Variants in HS3ST4 observed in about 807,000 individuals in gnomAD.
HS3ST4 encodes heparan sulfate-glucosamine 3-sulfotransferase 4.
In HS3ST4, 17 loss-of-function variants were observed where a neutral mutation model predicts 29.2. The observed-to-expected ratio is 0.58, with a 90% CI of 0.40 to 0.87. The LOEUF is 0.87. HS3ST4 is among the 40% of genes least tolerant of loss of function. HS3ST4 has a pLI of 0.00. For synonymous variants in HS3ST4, 314 were observed against 285.7 expected (o/e 1.10, Z -1.00); for missense variants, 627 against 634.5 (o/e 0.99, Z 0.13).
At chr16:25,950,349 G>T (rs1968671131) in intron 1 of HS3ST4, among the ~76,000 whole-genome samples, 1 of 152,012 alleles carries the variant, frequency 6.6e-6, no homozygotes, top group African/African-American at 2.4e-5. Context: ...CTGGATCTTA[G>T]TCATTTTTGT....
chr16:25,929,579 A>T (rs1341025451), intron 1 of HS3ST4, among the ~76,000 whole-genome samples: 1 of 151,986 alleles, frequency 6.6e-6, no homozygotes, highest in African/African-American at 2.4e-5. Flanking sequence ...CCACAAAATA[A>T]TTGGTCTGTC....
intron 1 of HS3ST4, among the ~76,000 whole-genome samples, chr16:25,890,198 A>C (rs1167481649): frequency 6.6e-6 from 1 of 152,090 alleles, no homozygotes; most frequent in Non-Finnish European, 1.5e-5. Flanking sequence ...AGGTTACACA[A>C]TTTGCCCCAA....
intron 1 of HS3ST4, among the ~76,000 whole-genome samples, chr16:25,786,617 C>T (rs1225851763): frequency 1.3e-5 from 2 of 152,120 alleles, no homozygotes; most frequent in East Asian, 3.9e-4. Flanking sequence ...AATGGACTCC[C>T]CTGAACAATG....
At chr16:26,045,827 T>C (rs996650286) in intron 1 of HS3ST4, among the ~76,000 whole-genome samples, 1 of 152,240 alleles carries the variant, frequency 6.6e-6, no homozygotes, top group Non-Finnish European at 1.5e-5. Context: ...GAAGCTGACC[T>C]TTTCCTTGAC....
chr16:25,861,853 C>T (rs1487792398), intron 1 of HS3ST4, among the ~76,000 whole-genome samples: 1 of 152,180 alleles, frequency 6.6e-6, no homozygotes, highest in Non-Finnish European at 1.5e-5. Flanking sequence ...TAACTTTATG[C>T]ATGATTTTAT....
chr16:25,851,860 G>A (rs931074017), intron 1 of HS3ST4, among the ~76,000 whole-genome samples: 1 of 54,828 alleles, frequency 1.8e-5, no homozygotes. Flanking sequence ...CATGAGAAAC[G>A]CCTAACGACA....
At chr16:26,014,664 G>A (rs13330115) in intron 1 of HS3ST4, among the ~76,000 whole-genome samples, 6,457 of 152,262 alleles carry the variant, frequency 0.042, 456 homozygotes, top group African/African-American at 0.14. Flanking sequence ...TGGCTGTAAA[G>A]AACACGATCT....
intron 1 of HS3ST4, among the ~76,000 whole-genome samples, chr16:25,845,864 C>CT (rs1967461533): frequency 6.6e-6 from 1 of 152,038 alleles, no homozygotes; most frequent in Non-Finnish European, 1.5e-5. Context: ...ATTTGTTCCT[C>CT]TTTTTCTCTG....
At chr16:25,778,226 A>G (rs1966849409) in intron 1 of HS3ST4, among the ~76,000 whole-genome samples, 1 of 152,194 alleles carries the variant, frequency 6.6e-6, no homozygotes, top group African/African-American at 2.4e-5. Flanking sequence ...TCTAAGACCT[A>G]GTTGGCCTCA....
chr16:25,713,785 G>T (rs895836872), intron 1 of HS3ST4, among the ~76,000 whole-genome samples: 3 of 152,190 alleles, frequency 2.0e-5, no homozygotes, highest in Non-Finnish European at 2.9e-5. Flanking sequence ...ACCTCAGAGA[G>T]AACACAACTC....
intron 1 of HS3ST4, among the ~76,000 whole-genome samples, chr16:25,891,037 C>G (rs916356144): frequency 2.0e-5 from 3 of 152,118 alleles, no homozygotes; most frequent in African/African-American, 7.2e-5. Flanking sequence ...CAAGTTCAGT[C>G]TAGCTGGTAG....
intron 1 of HS3ST4, among the ~76,000 whole-genome samples, chr16:25,899,626 C>T (rs898918396): frequency 6.6e-6 from 1 of 152,056 alleles, no homozygotes; most frequent in Non-Finnish European, 1.5e-5. Context: ...CTGTGTCAGC[C>T]TCCCAAGTAG....
rs1333668139 is a variant in HS3ST4 at position 25,692,159 on chromosome 16, G to T, written c.-259G>T. 2.0e-5 allele frequency: 3 copies of T among 149,740 alleles called. No individual in the cohort carries two copies. The highest frequency in any genetic ancestry group is 3.0e-5 in the Non-Finnish European group (2 of 67,040). The allele number at this position is 149,740 out of a possible 1,614,324, so 9.3% of individuals were successfully genotyped here. ...TCGGTCCCCTTGCCTGAGGCTGAGG[G>T]GGGGGCGGTGGTGGGGGGGCCACCC... is the stretch of plus-strand genomic sequence containing the variant. On this transcript the variant is annotated 5_prime_UTR_variant, in exon 1 of 2. Transcript: ENST00000331351.
At chr16:25,733,216 G>A (rs903701485) in intron 1 of HS3ST4, among the ~76,000 whole-genome samples, 5 of 152,200 alleles carry the variant, frequency 3.3e-5, no homozygotes, top group African/African-American at 7.2e-5. Flanking sequence ...AATTGGTGAC[G>A]TGAGACACGC....
In HS3ST4 at chr16:25,806,375, G is replaced by A. The variant is rs187781790; in HGVS notation, c.734+113224G>A. Among the ~76,000 whole-genome samples, 9 of 152,052 alleles carry A rather than the reference G, an allele frequency of 5.9e-5. No individual in the cohort carries two copies. In the East Asian group the frequency reaches 1.8e-3, roughly 30 times the overall value. On this transcript the variant is annotated intron_variant, in intron 1 of 1. Transcript: ENST00000331351. ...GGCAGGACATTAGTCCAATCCTCGT[G>A]CCTCCATTTTCCTCAAGTCCCCTAC... is the stretch of plus-strand genomic sequence containing the variant.
intron 1 of HS3ST4, among the ~76,000 whole-genome samples, chr16:26,096,943 A>G (rs1898932951): frequency 6.6e-6 from 1 of 152,106 alleles, no homozygotes; most frequent in Admixed American, 6.5e-5. Context: ...TGAATTACAG[A>G]CAAACAGAGA....
chr16:26,124,376 C>T (rs549172951), intron 1 of HS3ST4, among the ~76,000 whole-genome samples: 1 of 152,066 alleles, frequency 6.6e-6, no homozygotes, highest in South Asian at 2.1e-4. Flanking sequence ...AGACTTATTT[C>T]AGTATAGTGA....
At chr16:25,776,859 T>C (rs2141613301) in intron 1 of HS3ST4, among the ~76,000 whole-genome samples, 1 of 152,362 alleles carries the variant, frequency 6.6e-6, no homozygotes, top group East Asian at 1.9e-4. Context: ...TTTCTACATA[T>C]CTTGGAGACT....
At chr16:25,779,908 C>T (rs781693779) in intron 1 of HS3ST4, among the ~76,000 whole-genome samples, 1 of 152,162 alleles carries the variant, frequency 6.6e-6, no homozygotes, top group Non-Finnish European at 1.5e-5. Context: ...TGGCACGCTG[C>T]GGATTTATGG....
Sources: gnomAD v4.1 joint callset for allele counts (sites outside exome capture counted in the v4.1 genomes callset) on GRCh38, gnomAD v4.1.1 for gene constraint, MANE v1.5 for transcripts, NCBI Gene and HGNC (gene_info 2026-07-23, HGNC 2026-07-21) for gene names.